RAD21L1: variants seen among roughly 807,000 people sequenced by gnomAD.
The protein encoded by RAD21L1 is RAD21 cohesin complex component like 1.
RAD21L1 carries 47 observed loss-of-function variants against 69.0 expected under a neutral mutation model. The ratio of observed to expected loss-of-function variants is 0.68; its 90% CI spans 0.54 to 0.87. The LOEUF (loss-of-function observed/expected upper bound fraction) is 0.87, where lower values mean the gene tolerates loss of function less well. RAD21L1 is among the 40% of genes least tolerant of loss of function. The pLI is 0.00. For synonymous variants in RAD21L1, 177 were observed against 205.8 expected, an observed-to-expected ratio of 0.86 and a Z score of 1.20; for missense variants, 583 against 647.6, an observed-to-expected ratio of 0.90 and a Z score of 1.08.
At chr20:1,239,825 A>G (rs1600223519) in intron 7 of RAD21L1, among the ~76,000 whole-genome samples, 1 of 152,360 alleles carries the variant, frequency 6.6e-6, no homozygotes, top group East Asian at 1.9e-4. Flanking sequence ...TTAAGAATTA[A>G]AAGTACAATT....
intron 13 of RAD21L1, among the ~76,000 whole-genome samples, chr20:1,250,093 A>C (rs2087797440): frequency 6.8e-6 from 1 of 147,852 alleles, no homozygotes; most frequent in East Asian, 2.1e-4. Context: ...CCTACGAGTG[A>C]GAACATGTGG....
intron 1 of RAD21L1, among the ~76,000 whole-genome samples, chr20:1,228,156 T>A (rs2087303598): frequency 6.6e-6 from 1 of 152,202 alleles, no homozygotes; most frequent in Non-Finnish European, 1.5e-5. Context: ...TTGGATAAAA[T>A]AAGTGACATG....
At chr20:1,252,504 T>C (rs1373654873) in intron 13 of RAD21L1, among the ~76,000 whole-genome samples, 2 of 151,698 alleles carry the variant, frequency 1.3e-5, no homozygotes, top group Non-Finnish European at 2.9e-5. Context: ...AGAGGCTGGT[T>C]ATCTCACTGT....
intron 5 of RAD21L1, 31 bp downstream of exon 5, chr20:1,234,222 AT>A: frequency 1.1e-6 from 1 of 921,942 alleles, no homozygotes; most frequent in Non-Finnish European, 1.7e-6. Context: ...AAAATTACAA[AT>A]TATAATCAAT....
At chr20:1,231,710 A>G in intron 4 of RAD21L1, 91 bp downstream of exon 4, 1 of 678,034 alleles carries the variant, frequency 1.5e-6, no homozygotes, top group Non-Finnish European at 2.6e-6. Context: ...AATGTAGTTA[A>G]CAACTGCACA....
rs1325897998 is a variant in RAD21L1 at position 1,254,250 on chromosome 20, T to C, written c.1480-19T>C. On this transcript the variant is annotated intron_variant, in intron 13 of 13. Transcript: ENST00000683101. ...ATCTTGTTTCCCATTTCTTTTTTCT[T>C]TTCTAATTATTTTCCCAGGAATCTA... The C allele has an allele frequency of 2.1e-6, 3 of 1,439,060 alleles. No individual in the cohort carries two copies. Among genetic ancestry groups the C allele is most frequent in the Non-Finnish European group, 2.8e-6 (3 of 1,079,588 alleles). 89.1% of individuals were successfully genotyped at this position (1,439,060 alleles called of 1,614,324 possible).
At chr20:1,232,894 A>G (rs2087420870) in intron 4 of RAD21L1, among the ~76,000 whole-genome samples, 1 of 152,194 alleles carries the variant, frequency 6.6e-6, no homozygotes. Flanking sequence ...TCATAAGAGA[A>G]GTGATTAGGT....
rs528160510 is a variant in RAD21L1 at position 1,228,020 on chromosome 20, C to T, written c.-32-402C>T. Among the ~76,000 whole-genome samples the T allele has an allele frequency of 2.2e-4, 33 of 152,212 alleles. No individual in the cohort carries two copies. In the South Asian group the frequency reaches 5.8e-3, roughly 27 times the overall value. ...ATTATTAAGTTTTAGAAAAGAGGTG[C>T]CCTGTATTAGCTTTTCTTGGTTTTG... On this transcript the variant is annotated intron_variant, in intron 1 of 13. Coordinates refer to ENST00000683101, the MANE Select transcript of RAD21L1 (RefSeq NM_001384355.1).
chr20:1,254,428 A>G lies in RAD21L1; in HGVS notation c.1639A>G (p.Thr547Ala). The part of the protein sequence containing the change: ...QSAPYADIIA[T>A]MGPMFYNI ...TGCTCCCTATGCAGATATTATAGCT[A>G]CGATGGGACCAATGTTTTATAACAT... The change falls in exon 14 of 14, where the codon ACG (threonine) becomes GCG (alanine). Residue 547 changes from threonine to alanine, a missense_variant. Thr to Ala is a moderately conservative substitution (Grantham distance 58). Coordinates refer to ENST00000683101, the MANE Select transcript of RAD21L1 (RefSeq NM_001384355.1). The G allele has an allele frequency of 6.5e-7, 1 of 1,543,100 alleles. No individual in the cohort carries two copies. Among genetic ancestry groups the G allele is most frequent in the African/African-American group, 1.4e-5 (1 of 72,774 alleles).
At chr20:1,249,235 C>T (rs2087777139) in intron 13 of RAD21L1, among the ~76,000 whole-genome samples, 1 of 151,982 alleles carries the variant, frequency 6.6e-6, no homozygotes, top group Non-Finnish European at 1.5e-5. Context: ...GCTTTTAGTG[C>T]TCTTTCTTGG....
chr20:1,233,295 A>C (rs966195987), intron 4 of RAD21L1, among the ~76,000 whole-genome samples: 1 of 152,174 alleles, frequency 6.6e-6, no homozygotes, highest in African/African-American at 2.4e-5. Flanking sequence ...AGAGATCCCC[A>C]AGGTAGTGAG....
In RAD21L1 at chr20:1,246,778, G is replaced by A. The variant is rs1217356332; in HGVS notation, c.1401+473G>A. ...CTGGAAATCTGAAACAAAATAATCT[G>A]GTAGTCAGAGGGCCACATGTCAATA... On this transcript the variant is annotated intron_variant, in intron 12 of 13. Coordinates refer to ENST00000683101, the MANE Select transcript of RAD21L1 (RefSeq NM_001384355.1). The surrounding 1 kb of genome is among the most constrained non-coding windows in gnomAD (Gnocchi z 4.6). 6.6e-6 allele frequency among the ~76,000 whole-genome samples: 1 copy of A among 152,036 alleles called. No individual in the cohort carries two copies.
In RAD21L1 at chr20:1,243,116, T is replaced by C. The variant is rs2087651069; in HGVS notation, c.1103T>C (p.Leu368Pro). The C allele has an allele frequency of 6.5e-7, 1 of 1,530,812 alleles. No homozygotes were observed. Among genetic ancestry groups the C allele is most frequent in the Non-Finnish European group, 8.8e-7 (1 of 1,140,252 alleles). 94.8% of individuals were successfully genotyped at this position (1,530,812 alleles called of 1,614,324 possible). ...ELKMLFTKCF[L>P]SSGFKLGRKM... The stretch of plus-strand genomic sequence containing the variant: ...TTACAGTTGTTTACAAAATGCTTTC[T>C]GTCCTCTGGCTTTAAACTTGGAAGA... Residue 368 changes from leucine (L) to proline (P), a missense_variant, in exon 10 of 14, where the codon CTG (leucine) becomes CCG (proline). Coordinates refer to ENST00000683101, the MANE Select transcript of RAD21L1 (RefSeq NM_001384355.1).
At chr20:1,231,127 T>C (rs2122771711) in intron 3 of RAD21L1, among the ~76,000 whole-genome samples, 1 of 152,290 alleles carries the variant, frequency 6.6e-6, no homozygotes, top group East Asian at 1.9e-4. Flanking sequence ...CCTGAGGGAA[T>C]AGCATTCTAG....
At chr20:1,235,878 C>T (rs2087484668) in intron 5 of RAD21L1, among the ~76,000 whole-genome samples, 2 of 152,048 alleles carry the variant, frequency 1.3e-5, no homozygotes, top group Admixed American at 6.6e-5. Context: ...AGCGATTCTC[C>T]TGCCTCCGCC....
In RAD21L1 at chr20:1,255,217, G is replaced by C. The variant is rs960344818; in HGVS notation, c.*760G>C. Among the ~76,000 whole-genome samples the C allele has an allele frequency of 2.0e-5, 3 of 152,016 alleles. No homozygotes were observed. The highest frequency in any genetic ancestry group is 4.4e-5 in the Non-Finnish European group (3 of 68,022). ...TGATTATTATAATCACCATTAATGT[G>C]TCAGCAAAACTAAATCTGCTTCTTA... On this transcript the variant is annotated 3_prime_UTR_variant, in exon 14 of 14. Transcript: ENST00000683101.
intron 4 of RAD21L1, 88 bp from the exon 5 acceptor site, chr20:1,233,997 T>G: frequency 3.2e-6 from 2 of 627,404 alleles, no homozygotes; most frequent in Non-Finnish European, 5.6e-6. Flanking sequence ...ATGAAAGTTG[T>G]TTTAGTTTCT....
intron 8 of RAD21L1, among the ~76,000 whole-genome samples, chr20:1,241,927 T>C (rs959931713): frequency 6.6e-6 from 1 of 152,232 alleles, no homozygotes; most frequent in Non-Finnish European, 1.5e-5. Flanking sequence ...TGAAATCCTA[T>C]GGACCTAGTT....
intron 2 of RAD21L1, 42 bp from the exon 3 acceptor site, chr20:1,229,838 A>T: frequency 7.0e-7 from 1 of 1,418,500 alleles, no homozygotes; most frequent in Non-Finnish European, 9.6e-7. Context: ...GGATTTATGA[A>T]CCTAATCTTT....
Sources: gnomAD v4.1 joint callset for allele counts (sites outside exome capture counted in the v4.1 genomes callset) on GRCh38, gnomAD v4.1.1 for gene constraint, Gnocchi (gnomAD v3.1) non-coding constraint, MANE v1.5 for transcripts, NCBI Gene and HGNC (gene_info 2026-07-23, HGNC 2026-07-21) for gene names.